The following CTC1 variants were observed in gnomAD, a reference collection of about 807,000 sequenced individuals.
CTC1 encodes CST complex subunit CTC1.
CTC1 carries 91 observed loss-of-function variants against 136.3 expected under a neutral mutation model. That is an observed-to-expected ratio of 0.67 (90% CI 0.56 to 0.79). The LOEUF (loss-of-function observed/expected upper bound fraction) is 0.79, where lower values mean the gene tolerates loss of function less well. CTC1 is among the 30% of genes least tolerant of loss of function. The probability of loss-of-function intolerance (pLI) is 0.00; values close to 1 mark genes in which losing one functional copy is unlikely to be tolerated. For missense variants in CTC1, 1,432 were observed against 1,498.1 expected (o/e 0.96, Z 0.73); for synonymous variants, 606 against 613.8 (o/e 0.99, Z 0.19).
At chr17:8,231,665 C>G in intron 14 of CTC1, 61 bp downstream of exon 14, 1 of 1,512,178 alleles carries the variant, frequency 6.6e-7, no homozygotes, top group Non-Finnish European at 9.2e-7. Flanking sequence ...GGCATGCCCT[C>G]TTTAGACCCC....
rs201124470 is a variant in CTC1, at chr17:8,228,868, G to A, written c.3246C>T (p.Ala1082=). The change falls in exon 21 of 23, where the codon GCC becomes GCT. Residue 1082 remains alanine (A), a synonymous_variant. Coordinates refer to ENST00000651323, the MANE Select transcript of CTC1 (RefSeq NM_025099.6). ...IIRLLVEDGT[A]EAVVTCRNHH... ...GATTCCTACAGGTCACCACGGCTTC[G>A]GCAGTCCCATCCTCCACCAGGAGCC... 4.1e-5 allele frequency: 66 copies of A among 1,613,650 alleles called. No individual in the cohort carries two copies. The East Asian group carries it at 4.2e-4, about 10-fold the overall frequency.
chr17:8,229,342 A>T lies in CTC1; in HGVS notation c.3116T>A (p.Leu1039His). 5.0e-6 allele frequency: 8 copies of T among 1,614,200 alleles called. No individual in the cohort carries two copies. The highest frequency in any genetic ancestry group is 6.8e-6 in the Non-Finnish European group (8 of 1,180,038). The change falls in exon 19 of 23, where the codon CTC (leucine) becomes CAC (histidine). Residue 1039 changes from leucine to histidine, a missense_variant. Leu to His is a moderately conservative substitution (Grantham distance 99). Coordinates refer to ENST00000651323, the MANE Select transcript of CTC1 (RefSeq NM_025099.6). ...GGTACAATAAGCACACACCCAGAAG[A>T]GCTGAAGGCTGAAGACAGAGACGAT... ...CHIVSVFSLQ[L>H]FWVCAYCTSI...
At chr17:8,238,847 T>C (rs1311511982) in intron 2 of CTC1, among the ~76,000 whole-genome samples, 3 of 151,880 alleles carry the variant, frequency 2.0e-5, no homozygotes, top group Admixed American at 6.6e-5. Context: ...TCCCAGCACT[T>C]TGGGAGGCCA....
At position 8,238,212 on chromosome 17, in the gene CTC1, G is replaced by C. The variant is rs1987914284; in HGVS notation, c.466C>G (p.His156Asp). Reference sequence around the variant, plus strand: ...CTCCAACGGGGGAACAGAAAAAGATGGCCCAACCAAGAAAGGTCCAGGTCT... The same window carrying C: ...CTCCAACGGGGGAACAGAAAAAGATCGCCCAACCAAGAAAGGTCCAGGTCT... ...LIDLDLSWLG[H>D]LFLFPRWSYL... The change falls in exon 4 of 23, where the codon CAT becomes GAT. Residue 156 changes from histidine (H) to aspartate (D), a missense_variant. Physicochemically the swap from His to Asp is moderately conservative, Grantham distance 81. Coordinates refer to ENST00000651323, the MANE Select transcript of CTC1 (RefSeq NM_025099.6). The C allele has an allele frequency of 1.9e-6, 3 of 1,610,692 alleles. No homozygotes were observed. The highest frequency in any genetic ancestry group is 2.5e-6 in the Non-Finnish European group (3 of 1,177,320).
chr17:8,239,666 T>C (rs1988048679), intron 2 of CTC1, among the ~76,000 whole-genome samples: 1 of 151,884 alleles, frequency 6.6e-6, no homozygotes, highest in Non-Finnish European at 1.5e-5. Context: ...AGGTGATCCA[T>C]CTGCCTCAGC....
chr17:8,232,718 G>A, intron 11 of CTC1, 188 bp downstream of exon 11: 1 of 772,866 alleles, frequency 1.3e-6, no homozygotes, highest in South Asian at 1.7e-5. Flanking sequence ...AATGCATGCT[G>A]GAAATTCTGG....
At chr17:8,237,769 T>C (rs1281449476) in intron 4 of CTC1, among the ~76,000 whole-genome samples, 2 of 134,060 alleles carry the variant, frequency 1.5e-5, no homozygotes, top group East Asian at 2.2e-4. Flanking sequence ...CAGTAAAGAA[T>C]AACCTGGTAA....
At position 8,229,362 on chromosome 17, in the gene CTC1, G is replaced by A. The variant is rs1178196681; in HGVS notation, c.3096C>T (p.Val1032=). 1 of 1,614,244 alleles carries A rather than the reference G, an allele frequency of 6.2e-7. No homozygotes were observed. Among genetic ancestry groups the A allele is most frequent in the East Asian group, 2.2e-5 (1 of 44,886 alleles). ...AGAAGAGCTGAAGGCTGAAGACAGA[G>A]ACGATATGGCAAGAGGCAGTGGCCT... ...PFQATASCHI[V]SVFSLQLFWV... The change falls in exon 19 of 23, where the codon GTC becomes GTT. Residue 1032 remains valine (V), a synonymous_variant. Coordinates refer to ENST00000651323, the MANE Select transcript of CTC1 (RefSeq NM_025099.6).
chr17:8,236,385 A>G (rs1179262103), intron 5 of CTC1, 43 bp from the exon 6 acceptor site: 2 of 1,572,784 alleles, frequency 1.3e-6, no homozygotes, highest in African/African-American at 2.7e-5. Context: ...AGAGACCCCA[A>G]CACTGCCACT....
chr17:8,228,815 C>T lies in CTC1; in HGVS notation c.3299G>A (p.Cys1100Tyr). 6.2e-7 allele frequency: 1 copy of T among 1,614,140 alleles called. No individual in the cohort carries two copies. The highest frequency in any genetic ancestry group is 8.5e-7 in the Non-Finnish European group (1 of 1,180,010). ...NHHVAAALGL[C>Y]PREWASLLDF... ...TAGGAGGGAGGCCCACTCTCTAGGA[C>T]ACAGCCCTAGTGCTGCTGCCACATG... is the stretch of plus-strand genomic sequence containing the variant. Residue 1100 changes from cysteine (C) to tyrosine (Y), a missense_variant, in exon 21 of 23, where the codon TGT becomes TAT. Transcript: ENST00000651323.
At chr17:8,243,264 A>G in intron 1 of CTC1, 116 bp from the exon 2 acceptor site, 1 of 927,684 alleles carries the variant, frequency 1.1e-6, no homozygotes, top group Non-Finnish European at 1.6e-6. Flanking sequence ...TCACGCCTGT[A>G]ATCCCAACAC....
intron 2 of CTC1, among the ~76,000 whole-genome samples, chr17:8,239,236 A>C (rs1988017717): frequency 6.6e-6 from 1 of 152,128 alleles, no homozygotes; most frequent in Admixed American, 6.6e-5. Flanking sequence ...GAGGAAATGA[A>C]TGTGTGGGGA....
intron 2 of CTC1, among the ~76,000 whole-genome samples, chr17:8,239,523 AT>A (rs74266356): frequency 0.022 from 3,148 of 140,630 alleles, 75 homozygotes; most frequent in African/African-American, 0.059. Flanking sequence ...ATTCCCCTGA[AT>A]TTTTTTTTTT....
intron 4 of CTC1, 29 bp from the exon 5 acceptor site, chr17:8,237,548 C>T: frequency 6.2e-7 from 1 of 1,610,566 alleles, no homozygotes; most frequent in Non-Finnish European, 8.5e-7. Flanking sequence ...CCCTGTAATC[C>T]CAGCTACTCA....
At chr17:8,242,559 T>TATATATATATATATATATACAC (rs1988358151) in intron 2 of CTC1, among the ~76,000 whole-genome samples, 1 of 90,456 alleles carries the variant, frequency 1.1e-5, no homozygotes, top group African/African-American at 3.7e-5. Context: ...AAAAAATATA[T>TATATATATATATATATATACAC]ATATATATAT....
Position 8,237,363 on chromosome 17 carries a change from C to A in CTC1, c.792+12G>T. On this transcript the variant is annotated intron_variant, in intron 5 of 22. Coordinates refer to ENST00000651323, the MANE Select transcript of CTC1 (RefSeq NM_025099.6). ...CCCCCACTTCCATGGCTGAAATGAC[C>A]CCAGTCCTCACCTGCACGATGATGG... The A allele has an allele frequency of 6.2e-7, 1 of 1,613,924 alleles. No individual in the cohort carries two copies. The highest frequency in any genetic ancestry group is 8.5e-7 in the Non-Finnish European group (1 of 1,179,956).
At chr17:8,231,201 G>A (rs1370883735) in intron 15 of CTC1, 75 bp downstream of exon 15, 3 of 1,194,892 alleles carry the variant, frequency 2.5e-6, no homozygotes, top group East Asian at 2.5e-5. Context: ...AGAAAATGAA[G>A]TCTTCACCAA....
At chr17:8,231,021 A>C (rs1987171591) in intron 15 of CTC1, 1 of 494,998 alleles carries the variant, frequency 2.0e-6, no homozygotes, top group African/African-American at 1.9e-5. Context: ...CACCCCTATA[A>C]TCCCAGCTAT....
At position 8,238,193 on chromosome 17, in the gene CTC1, C is replaced by T. The variant is rs199966003; in HGVS notation, c.485G>A (p.Arg162His). ...CCTGGCAGGAGGGAGGTAACTCCAA[C>T]GGGGGAACAGAAAAAGATGGCCCAA... ...SWLGHLFLFP[R>H]WSYLPPARWN... The change falls in exon 4 of 23, where the codon CGT becomes CAT. Residue 162 changes from arginine to histidine, a missense_variant. By Grantham distance (29) the Arg-to-His change is conservative. Transcript: ENST00000651323. The T allele has an allele frequency of 1.7e-5, 27 of 1,612,550 alleles. No homozygotes were observed. The highest frequency in any genetic ancestry group is 1.6e-4 in the Middle Eastern group (1 of 6,076).
Sources: allele counts gnomAD v4.1 joint callset (sites outside exome capture counted in the v4.1 genomes callset), GRCh38; gene constraint gnomAD v4.1.1; transcripts MANE v1.5; gene names NCBI Gene and HGNC (gene_info 2026-07-23, HGNC 2026-07-21).